The following NRG2 variants were observed in gnomAD, a reference collection of about 807,000 sequenced individuals.
The protein encoded by NRG2 is pro-neuregulin-2, membrane-bound isoform.
In NRG2, 27 loss-of-function variants were observed where a neutral mutation model predicts 73.9. The ratio of observed to expected loss-of-function variants is 0.37; its 90% CI spans 0.27 to 0.50. The LOEUF (loss-of-function observed/expected upper bound fraction) is 0.50, where lower values mean the gene tolerates loss of function less well. Ranked by LOEUF, NRG2 falls within the 20% of genes least tolerant of loss-of-function variation. NRG2 has a pLI of 0.96. For synonymous variants in NRG2, 532 were observed against 541.0 expected (o/e 0.98, Z 0.23); for missense variants, 1,126 against 1,210.1 (o/e 0.93, Z 1.03).
At chr5:139,983,140 A>T (rs977831213) in intron 1 of NRG2, among the ~76,000 whole-genome samples, 5 of 152,106 alleles carry the variant, frequency 3.3e-5, no homozygotes, top group Non-Finnish European at 5.9e-5. Flanking sequence ...TGATTCTCAG[A>T]GTCACTCCCC....
chr5:139,931,752 A>T (rs953329657), intron 1 of NRG2, among the ~76,000 whole-genome samples: 8 of 152,240 alleles, frequency 5.3e-5, no homozygotes, highest in Admixed American at 3.9e-4. Context: ...ATGTAAAATT[A>T]AAAAATCACT....
intron 1 of NRG2, among the ~76,000 whole-genome samples, chr5:139,899,881 G>A (rs111227351): frequency 0.015 from 2,294 of 152,290 alleles, 55 homozygotes; most frequent in African/African-American, 0.053. Flanking sequence ...TTGAACTTAA[G>A]ATCTCATCCT....
intron 1 of NRG2, among the ~76,000 whole-genome samples, chr5:139,891,703 C>T (rs908320614): frequency 4.0e-5 from 6 of 151,574 alleles, no homozygotes; most frequent in Admixed American, 3.9e-4. Context: ...CAAAAGAGGC[C>T]TATATGGCTG....
intron 1 of NRG2, among the ~76,000 whole-genome samples, chr5:139,921,683 T>A (rs1580737624): frequency 6.6e-6 from 1 of 152,318 alleles, no homozygotes; most frequent in Middle Eastern, 3.4e-3. Flanking sequence ...AAAATCTAGA[T>A]GACCTTGGGT....
chr5:139,930,695 A>G (rs1580756236), intron 1 of NRG2, among the ~76,000 whole-genome samples: 1 of 152,208 alleles, frequency 6.6e-6, no homozygotes, highest in Admixed American at 6.5e-5. Flanking sequence ...AGGAAAATCC[A>G]CCAGCCACCA....
intron 1 of NRG2, among the ~76,000 whole-genome samples, chr5:140,023,702 C>T (rs1013060292): frequency 6.6e-6 from 1 of 152,156 alleles, no homozygotes; most frequent in Non-Finnish European, 1.5e-5. Flanking sequence ...CTTTTGGAGT[C>T]AGGAAGTGGA....
chr5:139,953,323 G>A (rs1410489100), intron 1 of NRG2, among the ~76,000 whole-genome samples: 1 of 152,192 alleles, frequency 6.6e-6, no homozygotes, highest in African/African-American at 2.4e-5. Flanking sequence ...CCTGAGTCTG[G>A]CAAGAGCTGG....
chr5:139,921,855 A>C (rs1328504389), intron 1 of NRG2, among the ~76,000 whole-genome samples: 3 of 152,128 alleles, frequency 2.0e-5, no homozygotes, highest in Admixed American at 2.0e-4. Context: ...TGAGCTCAGG[A>C]GTTTGAGACC....
At chr5:140,030,585 T>C (rs1240353121) in intron 1 of NRG2, among the ~76,000 whole-genome samples, 1 of 152,220 alleles carries the variant, frequency 6.6e-6, no homozygotes, top group East Asian at 1.9e-4. Flanking sequence ...TGACTGAGTG[T>C]AAACCATACA....
At chr5:139,867,762 C>CTGTGTGTGTGTGTGTGTG (rs367771225) in intron 4 of NRG2, among the ~76,000 whole-genome samples, 3 of 128,774 alleles carry the variant, frequency 2.3e-5, no homozygotes, top group Non-Finnish European at 4.9e-5. Flanking sequence ...GAAGGGAAAC[C>CTGTGTGTGTGTGTGTGTG]TGTGTGTGTG....
At chr5:139,899,076 C>T (rs554054677) in intron 1 of NRG2, among the ~76,000 whole-genome samples, 291 of 152,290 alleles carry the variant, frequency 1.9e-3, no homozygotes, top group Non-Finnish European at 3.4e-3. Flanking sequence ...TAGGTCTGTT[C>T]GTGTCTATCT....
At chr5:139,980,364 AT>A (rs984197898) in intron 1 of NRG2, among the ~76,000 whole-genome samples, 4 of 151,790 alleles carry the variant, frequency 2.6e-5, no homozygotes, top group African/African-American at 9.7e-5. Context: ...AAAAAAAAAA[AT>A]CTTCACTGTA....
At position 139,980,084 on chromosome 5, in the gene NRG2, A is replaced by G. The variant is rs139754327; in HGVS notation, c.700+62286T>C. 1.8e-3 allele frequency among the ~76,000 whole-genome samples: 280 copies of G among 152,224 alleles called. 1 individual carries two copies. Among genetic ancestry groups the G allele is most frequent in the Non-Finnish European group, 6.2e-4 (42 of 67,998 alleles). ...CCTCCAGTTTGTCACATCCCATGCTATTTCTGCTTATCACTGCCTCTTTCT... is the reference window on the plus strand; with the variant it reads ...CCTCCAGTTTGTCACATCCCATGCTGTTTCTGCTTATCACTGCCTCTTTCT... On this transcript the variant is annotated intron_variant, in intron 1 of 9. Coordinates refer to ENST00000361474, the MANE Select transcript of NRG2 (RefSeq NM_004883.3).
rs180910500 is a variant in NRG2, at chr5:139,962,609, G to A, written c.701-75098C>T. Among the ~76,000 whole-genome samples the A allele has an allele frequency of 5.2e-4, 79 of 152,252 alleles. 1 individual carries two copies. In the Middle Eastern group the frequency reaches 0.02, roughly 39 times the overall value. On this transcript the variant is annotated intron_variant, in intron 1 of 9. Transcript: ENST00000361474. ...GGCAGCCAGGGCATTTGCTCAGACCGTCTTCACAGGAAGTCCTGTGAAGTT... is the reference window on the plus strand; with the variant it reads ...GGCAGCCAGGGCATTTGCTCAGACCATCTTCACAGGAAGTCCTGTGAAGTT...
rs1226530065 is a variant in NRG2, at chr5:139,894,421, G to C, written c.701-6910C>G. ...CCCACAAAGTGACTGCAACCTATTG[G>C]AGGTTAATTACAGACTCCAAGTTCA... On this transcript the variant is annotated intron_variant, in intron 1 of 9. Transcript: ENST00000361474. The surrounding 1 kb of genome is among the most constrained non-coding windows in gnomAD (Gnocchi z 5.0). 1.3e-5 allele frequency among the ~76,000 whole-genome samples: 2 copies of C among 151,262 alleles called. No individual in the cohort carries two copies. Among genetic ancestry groups the C allele is most frequent in the African/African-American group, 4.9e-5 (2 of 41,120 alleles).
rs1358624276 is a variant in NRG2, at chr5:140,042,916, T to C, written c.154A>G (p.Asn52Asp). ...ESGSSSRSSS[N>D]NSSISRPAAP... ...GCGGGACGAGAGATGCTGCTGTTGT[T>C]GCTGCTGCTCCTGCTGCTGCTGCCG... Residue 52 changes from asparagine (N) to aspartate (D), a missense_variant, in exon 1 of 10, where the codon AAC (asparagine) becomes GAC (aspartate). Coordinates refer to ENST00000361474, the MANE Select transcript of NRG2 (RefSeq NM_004883.3). 12 of 1,524,538 alleles carry C rather than the reference T, an allele frequency of 7.9e-6. No homozygotes were observed. Among genetic ancestry groups the C allele is most frequent in the Non-Finnish European group, 1.1e-5 (12 of 1,131,982 alleles). 94.4% of individuals were successfully genotyped at this position (1,524,538 alleles called of 1,614,324 possible).
chr5:139,865,479 C>T lies in NRG2; in HGVS notation c.1189+70G>A. On this transcript the variant is annotated intron_variant, in intron 5 of 9. Transcript: ENST00000361474. This position sits in a 1 kb window ranked among gnomAD's most constrained non-coding sequence, Gnocchi z 5.2. ...CAACCAACACCCCTGGCCCTATGCC[C>T]TACATTGGGGGGACTGCACCCAGAA... 5 of 1,180,394 alleles carry T rather than the reference C, an allele frequency of 4.2e-6. No homozygotes were observed. The highest frequency in any genetic ancestry group is 6.3e-6 in the Non-Finnish European group (5 of 799,172). The allele number at this position is 1,180,394 out of a possible 1,614,324, so 73.1% of individuals were successfully genotyped here. A position where few individuals can be genotyped will look rare whatever the true frequency, so the allele number is the denominator to read the frequency against.
intron 1 of NRG2, among the ~76,000 whole-genome samples, chr5:139,939,965 G>A (rs984494812): frequency 2.0e-5 from 3 of 152,144 alleles, no homozygotes; most frequent in Non-Finnish European, 4.4e-5. Context: ...TAGAACAAAT[G>A]ATAAATACAA....
chr5:139,985,416 C>G (rs955498381), intron 1 of NRG2, among the ~76,000 whole-genome samples: 2 of 151,852 alleles, frequency 1.3e-5, no homozygotes, highest in Admixed American at 6.6e-5. Context: ...ATGGGCTGTT[C>G]TAAGCACTGT....
Sources: allele counts gnomAD v4.1 joint callset (sites outside exome capture counted in the v4.1 genomes callset), GRCh38; gene constraint gnomAD v4.1.1; non-coding constraint Gnocchi (gnomAD v3.1); transcripts MANE v1.5; gene names NCBI Gene and HGNC (gene_info 2026-07-23, HGNC 2026-07-21).